GADL1: variants seen among roughly 807,000 people sequenced by gnomAD.
The protein encoded by GADL1 is GAD like acidic amino acid decarboxylase 1.
GADL1 carries 71 observed loss-of-function variants against 69.5 expected under a neutral mutation model. The ratio of observed to expected loss-of-function variants is 1.02; its 90% CI spans 0.84 to 1.25. The LOEUF (loss-of-function observed/expected upper bound fraction) is 1.25, where lower values mean the gene tolerates loss of function less well. GADL1 is among the 50% of genes most tolerant of loss of function. The probability of loss-of-function intolerance (pLI) is 0.00; values close to 1 mark genes in which losing one functional copy is unlikely to be tolerated. For synonymous variants in GADL1, 254 were observed against 214.4 expected (o/e 1.18, Z -1.62); for missense variants, 737 against 631.8 (o/e 1.17, Z -1.79).
chr3:30,841,267 C>T (rs1020934149), intron 8 of GADL1, among the ~76,000 whole-genome samples: 4 of 152,180 alleles, frequency 2.6e-5, no homozygotes, highest in Non-Finnish European at 4.4e-5. Context: ...ACTGAGGAGA[C>T]GTACTAACTC....
chr3:30,819,314 G>A (rs73063013), intron 11 of GADL1, among the ~76,000 whole-genome samples: 8 of 151,964 alleles, frequency 5.3e-5, no homozygotes, highest in Non-Finnish European at 8.8e-5. Flanking sequence ...ATGGTTTTTT[G>A]TATAAGATGT....
intron 2 of GADL1, among the ~76,000 whole-genome samples, chr3:30,858,422 G>C (rs1698261042): frequency 6.6e-6 from 1 of 152,014 alleles, no homozygotes; most frequent in South Asian, 2.1e-4. Flanking sequence ...AGAGGTTGCT[G>C]TAATAAGCCA....
chr3:30,874,581 CAG>C (rs948947111), intron 1 of GADL1, among the ~76,000 whole-genome samples: 28 of 152,030 alleles, frequency 1.8e-4, no homozygotes, highest in Middle Eastern at 3.4e-3. Context: ...TTTGATGACA[CAG>C]AGATTGCTTG....
chr3:30,812,992 A>C (rs1697389959), intron 11 of GADL1, among the ~76,000 whole-genome samples: 1 of 152,138 alleles, frequency 6.6e-6, no homozygotes, highest in South Asian at 2.1e-4. Flanking sequence ...AGCCAAGAGA[A>C]AATGCAGTGA....
chr3:30,769,520 C>T (rs1311969883), intron 14 of GADL1, among the ~76,000 whole-genome samples: 7 of 151,140 alleles, frequency 4.6e-5, no homozygotes, highest in Non-Finnish European at 7.4e-5. Context: ...CCTGTGCCTG[C>T]CTCTTTGTCT....
chr3:30,730,855 A>AAGTGTGTGTGTGTG (rs528274850), intron 14 of GADL1, among the ~76,000 whole-genome samples: 2 of 151,278 alleles, frequency 1.3e-5, no homozygotes, highest in African/African-American at 4.8e-5. Context: ...GTGCATAAGC[A>AAGTGTGTGTGTGTG]TGTGTGTGTG....
chr3:30,823,982 G>A (rs1293420471), intron 11 of GADL1, among the ~76,000 whole-genome samples: 1 of 151,684 alleles, frequency 6.6e-6, no homozygotes, highest in South Asian at 2.1e-4. Flanking sequence ...AGAGTAAGAA[G>A]AAAAGAAAGG....
intron 14 of GADL1, among the ~76,000 whole-genome samples, chr3:30,777,628 C>T (rs1157196407): frequency 6.6e-6 from 1 of 152,202 alleles, no homozygotes; most frequent in Non-Finnish European, 1.5e-5. Flanking sequence ...GGCCTCTCCT[C>T]ACACGGTATC....
intron 4 of GADL1, among the ~76,000 whole-genome samples, chr3:30,853,249 T>C (rs1002759804): frequency 6.6e-6 from 1 of 152,164 alleles, no homozygotes; most frequent in Non-Finnish European, 1.5e-5. Flanking sequence ...TTGAAATCAC[T>C]TGTTGAACTT....
chr3:30,749,147 G>T (rs1695759343), intron 14 of GADL1, among the ~76,000 whole-genome samples: 2 of 152,200 alleles, frequency 1.3e-5, no homozygotes, highest in African/African-American at 4.8e-5. Flanking sequence ...TTGCTCTGAA[G>T]TCACATGGTC....
At chr3:30,858,075 T>C (rs1698256851) in intron 2 of GADL1, among the ~76,000 whole-genome samples, 2 of 151,998 alleles carry the variant, frequency 1.3e-5, no homozygotes, top group South Asian at 4.1e-4. Context: ...CTATTCCTTT[T>C]TACAAAGCAC....
chr3:30,797,688 A>C (rs199758555), intron 12 of GADL1: 1 of 135,436 alleles, frequency 7.4e-6, no homozygotes, highest in African/African-American at 2.7e-5. Context: ...TTTGTTTTTT[A>C]AACTGTAAGA....
At chr3:30,821,209 T>C (rs1478512548) in intron 11 of GADL1, among the ~76,000 whole-genome samples, 1 of 151,910 alleles carries the variant, frequency 6.6e-6, no homozygotes, top group Non-Finnish European at 1.5e-5. Context: ...GGGATAGCAT[T>C]AGGAGATATA....
chr3:30,867,645 T>G (rs1698423741), intron 1 of GADL1, among the ~76,000 whole-genome samples: 1 of 151,820 alleles, frequency 6.6e-6, no homozygotes, highest in Non-Finnish European at 1.5e-5. Flanking sequence ...GTAGTGAAAC[T>G]GAGGTAAATT....
intron 14 of GADL1, among the ~76,000 whole-genome samples, chr3:30,761,144 T>TTG (rs2125485167): frequency 6.6e-6 from 1 of 152,336 alleles, no homozygotes; most frequent in South Asian, 2.1e-4. Flanking sequence ...AATCTTTATA[T>TTG]TGTATGCTTT....
chr3:30,831,042 G>A (rs776975647), intron 11 of GADL1, among the ~76,000 whole-genome samples: 1 of 151,830 alleles, frequency 6.6e-6, no homozygotes, highest in Non-Finnish European at 1.5e-5. Flanking sequence ...CATCTCTCTT[G>A]CCATCAACTC....
Position 30,747,410 on chromosome 3 carries a change from T to G in GADL1, c.1393-18995A>C, listed in dbSNP as rs1003053792. ...ATGGTGCATTTGTCTATCTGAATAC[T>G]AGAGAAGGAAGGGTAGGAGAGAGTG... On this transcript the variant is annotated intron_variant, in intron 14 of 14. Coordinates refer to ENST00000282538, the MANE Select transcript of GADL1 (RefSeq NM_207359.3). Among the ~76,000 whole-genome samples, 5 of 152,136 alleles carry G rather than the reference T, an allele frequency of 3.3e-5. No individual in the cohort carries two copies. In the East Asian group the frequency reaches 9.7e-4, roughly 29 times the overall value.
intron 14 of GADL1, among the ~76,000 whole-genome samples, chr3:30,770,845 GA>G (rs888650194): frequency 1.1e-4 from 17 of 151,520 alleles, no homozygotes; most frequent in South Asian, 2.1e-4. Context: ...CTCAAGGAAA[GA>G]AAAAAAAATT....
chr3:30,751,855 T>G (rs1181895584), intron 14 of GADL1, among the ~76,000 whole-genome samples: 1 of 152,190 alleles, frequency 6.6e-6, no homozygotes, highest in South Asian at 2.1e-4. Flanking sequence ...GAAGTAGGAT[T>G]AAATGGCAGG....
Sources: allele counts gnomAD v4.1 joint callset (sites outside exome capture counted in the v4.1 genomes callset), GRCh38; gene constraint gnomAD v4.1.1; transcripts MANE v1.5; gene names NCBI Gene and HGNC (gene_info 2026-07-23, HGNC 2026-07-21).